MROH9: variants seen among roughly 807,000 people sequenced by gnomAD.
The protein encoded by MROH9 is maestro heat-like repeat-containing protein family member 9.
Under a neutral mutation model 98.2 loss-of-function variants are expected in MROH9, and 92 were observed. The ratio of observed to expected loss-of-function variants is 0.94; its 90% confidence interval spans 0.79 to 1.11. The LOEUF (loss-of-function observed/expected upper bound fraction) is 1.11, where lower values mean the gene tolerates loss of function less well. Among genes scored for constraint, MROH9 ranks in the 50% most tolerant of loss-of-function variants. The pLI, the probability that MROH9 is intolerant of heterozygous loss-of-function variation, is 0.00. For missense variants in MROH9, 1,057 were observed against 1,014.8 expected (o/e 1.04, Z -0.57); for synonymous variants, 397 against 368.9 (o/e 1.08, Z -0.87).
chr1:171,033,869 A>C (rs1372470484), intron 20 of MROH9, among the ~76,000 whole-genome samples: 1 of 152,202 alleles, frequency 6.6e-6, no homozygotes, highest in African/African-American at 2.4e-5. Context: ...AAGTCTTCAA[A>C]TATATAATTT....
In MROH9 at chr1:170,977,277, G is replaced by A. The variant is rs577646556; in HGVS notation, c.616+5394G>A. Among the ~76,000 whole-genome samples the A allele has an allele frequency of 2.0e-5, 3 of 152,262 alleles. No individual in the cohort carries two copies. In the East Asian group the frequency reaches 5.8e-4, roughly 29 times the overall value. ...AACCTGGTTAAGAACCCTTGTTGGA[G>A]AACTATTTCAGCCATCTGGAGGACA... is the stretch of plus-strand genomic sequence containing the variant. On this transcript the variant is annotated intron_variant, in intron 8 of 21. Coordinates refer to ENST00000367759, the MANE Select transcript of MROH9 (RefSeq NM_001163629.2).
At chr1:170,935,620 CA>C (rs1294709601) in intron 1 of MROH9, 33 bp downstream of exon 1, 1 of 152,046 alleles carries the variant, frequency 6.6e-6, no homozygotes, top group Non-Finnish European at 1.5e-5. Context: ...TTCTGTCATT[CA>C]AAAGCTTGTC....
intron 7 of MROH9, among the ~76,000 whole-genome samples, chr1:170,971,440 A>G (rs1445232210): frequency 3.3e-5 from 5 of 152,218 alleles, no homozygotes; most frequent in Admixed American, 2.6e-4. Flanking sequence ...TACCCACTTC[A>G]TGGCATAGAA....
At chr1:170,943,597 G>A (rs1157907191) in intron 1 of MROH9, among the ~76,000 whole-genome samples, 1 of 151,372 alleles carries the variant, frequency 6.6e-6, no homozygotes, top group Non-Finnish European at 1.5e-5. Flanking sequence ...AAATAAACAA[G>A]GAATCCTTTG....
chr1:171,004,628 C>T lies in MROH9; in HGVS notation c.1596+6354C>T, dbSNP rs181110700. Among the ~76,000 whole-genome samples the T allele has an allele frequency of 3.1e-3, 477 of 152,296 alleles. 3 individuals carry two copies. The highest frequency in any genetic ancestry group is 0.011 in the African/African-American group (448 of 41,580). The stretch of plus-strand genomic sequence containing the variant: ...GGGTATCTTCCGGGTCCTGCAGGAG[C>T]TTCCACTTCCTTCAGAGGGTCTGTG... On this transcript the variant is annotated intron_variant, in intron 15 of 21. Coordinates refer to ENST00000367759, the MANE Select transcript of MROH9 (RefSeq NM_001163629.2).
Position 170,989,919 on chromosome 1 carries a change from T to C in MROH9, c.944T>C (p.Met315Thr). The C allele has an allele frequency of 1.2e-6, 2 of 1,613,366 alleles. No homozygotes were observed. The highest frequency in any genetic ancestry group is 1.7e-6 in the Non-Finnish European group (2 of 1,179,414). The part of the protein sequence containing the change: ...LCDNNCMKDV[M>T]LQVITLLTCT... ...GATAACAATTGTATGAAGGATGTTATGTTGCAGGTTATCACTTTGTTGACA... is the reference window on the plus strand; with the variant it reads ...GATAACAATTGTATGAAGGATGTTACGTTGCAGGTTATCACTTTGTTGACA... Residue 315 changes from methionine (M) to threonine (T), a missense_variant, in exon 11 of 22, where the codon ATG becomes ACG. Coordinates refer to ENST00000367759, the MANE Select transcript of MROH9 (RefSeq NM_001163629.2).
intron 1 of MROH9, among the ~76,000 whole-genome samples, chr1:170,943,750 A>G (rs1186590447): frequency 1.3e-5 from 2 of 152,022 alleles, no homozygotes; most frequent in Admixed American, 6.6e-5. Flanking sequence ...ATAGCTCAGG[A>G]GTATTATATG....
In MROH9 at chr1:171,024,745, C is replaced by T; in HGVS notation, c.2158C>T (p.Leu720Phe). The change falls in exon 19 of 22, where the codon CTC becomes TTC. Residue 720 changes from leucine (L) to phenylalanine (F), a missense_variant. Transcript: ENST00000367759. The part of the protein sequence containing the change: ...DENYSFEMVV[L>F]NICNNLIISH... ...AAATTACAGTTTTGAGATGGTGGTG[C>T]TCAATATCTGTAACAATCTTGTAAG... The T allele has an allele frequency of 6.5e-7, 1 of 1,547,036 alleles. No individual in the cohort carries two copies. The highest frequency in any genetic ancestry group is 2.0e-5 in the Admixed American group (1 of 50,978).
intron 8 of MROH9, among the ~76,000 whole-genome samples, chr1:170,972,961 A>G (rs1400341603): frequency 6.6e-6 from 1 of 151,950 alleles, no homozygotes; most frequent in East Asian, 1.9e-4. Flanking sequence ...GCCTGAGCTT[A>G]CCACCTAGAG....
intron 15 of MROH9, among the ~76,000 whole-genome samples, chr1:171,009,799 G>A (rs1486964030): frequency 2.0e-5 from 3 of 152,182 alleles, no homozygotes; most frequent in Non-Finnish European, 2.9e-5. Flanking sequence ...AAAAATAGAT[G>A]AGTCAGGGAC....
intron 16 of MROH9, chr1:171,015,213 T>G (rs544601593): frequency 3.2e-4 from 114 of 361,868 alleles, no homozygotes; most frequent in African/African-American, 2.1e-3. Flanking sequence ...ACATAAGCCA[T>G]GGTCTGTTTA....
intron 21 of MROH9, among the ~76,000 whole-genome samples, chr1:171,063,310 T>A (rs1023642881): frequency 6.9e-6 from 1 of 144,450 alleles, no homozygotes; most frequent in African/African-American, 2.6e-5. Context: ...TGGAGTGCAG[T>A]GGTGTGATCT....
At chr1:170,955,679 T>C (rs921943567) in intron 3 of MROH9, among the ~76,000 whole-genome samples, 6 of 152,162 alleles carry the variant, frequency 3.9e-5, no homozygotes, top group Non-Finnish European at 8.8e-5. Flanking sequence ...TTTTTCTTAC[T>C]GATTTGTTTG....
At chr1:171,052,072 T>G (rs1019156766) in intron 20 of MROH9, among the ~76,000 whole-genome samples, 1 of 152,204 alleles carries the variant, frequency 6.6e-6, no homozygotes, top group Non-Finnish European at 1.5e-5. Context: ...ATTTTACTAC[T>G]TATTGATCTG....
intron 20 of MROH9, among the ~76,000 whole-genome samples, chr1:171,060,239 C>T (rs1653970991): frequency 6.6e-6 from 1 of 152,046 alleles, no homozygotes; most frequent in African/African-American, 2.4e-5. Context: ...AAATGTTGCA[C>T]AAAATGAATA....
At chr1:171,013,445 C>T (rs192531105) in intron 15 of MROH9, among the ~76,000 whole-genome samples, 18 of 152,202 alleles carry the variant, frequency 1.2e-4, no homozygotes, top group African/African-American at 4.1e-4. Context: ...GCCTGATGAT[C>T]TGAGGTAGAA....
At chr1:171,043,200 C>A (rs1010321541) in intron 20 of MROH9, among the ~76,000 whole-genome samples, 4 of 152,118 alleles carry the variant, frequency 2.6e-5, no homozygotes, top group Admixed American at 2.6e-4. Context: ...CATTCTCCTG[C>A]ACATGGATAT....
chr1:170,939,439 C>A (rs966446855), intron 1 of MROH9, among the ~76,000 whole-genome samples: 1 of 152,228 alleles, frequency 6.6e-6, no homozygotes, highest in Non-Finnish European at 1.5e-5. Context: ...CAGTCATCCA[C>A]TTTCAAGTTG....
At chr1:171,004,833 T>C (rs1651902478) in intron 15 of MROH9, among the ~76,000 whole-genome samples, 1 of 152,002 alleles carries the variant, frequency 6.6e-6, no homozygotes, top group African/African-American at 2.4e-5. Flanking sequence ...CATGGGTCAA[T>C]ATGTCTGTTT....
Sources: allele counts gnomAD v4.1 joint callset (sites outside exome capture counted in the v4.1 genomes callset), GRCh38; gene constraint gnomAD v4.1.1; transcripts MANE v1.5; gene names NCBI Gene and HGNC (gene_info 2026-07-23, HGNC 2026-07-21).